PACRGL: variants seen among roughly 807,000 people sequenced by gnomAD.
PACRGL encodes the protein PACRG-like protein.
PACRGL carries 38 observed loss-of-function variants against 34.5 expected under a neutral mutation model. The ratio of observed to expected loss-of-function variants is 1.10; its 90% CI spans 0.85 to 1.44. The LOEUF (loss-of-function observed/expected upper bound fraction) is 1.44. PACRGL is among the 40% of genes most tolerant of loss of function. The pLI is 0.00. For missense variants in PACRGL, 305 were observed against 281.4 expected, an observed-to-expected ratio of 1.08 and a Z score of -0.60; for synonymous variants, 128 against 100.1, an observed-to-expected ratio of 1.28 and a Z score of -1.66.
chr4:20,727,486 T>A lies in PACRGL; in HGVS notation c.*145T>A. On this transcript the variant is annotated 3_prime_UTR_variant, in exon 9 of 9. Transcript: ENST00000503585. ...AGATGAATAGACACTGAATCAAAGT[T>A]ATTCATCAACAAAAAAGAACAGTTA... 1 of 596,314 alleles carries A rather than the reference T, an allele frequency of 1.7e-6. No individual in the cohort carries two copies. The highest frequency in any genetic ancestry group is 2.9e-6 in the Non-Finnish European group (1 of 346,278). 36.9% of individuals were successfully genotyped at this position (596,314 alleles called of 1,614,324 possible).
chr4:20,720,172 C>T lies in PACRGL; in HGVS notation c.610-4636C>T, dbSNP rs192418665. Among the ~76,000 whole-genome samples the T allele has an allele frequency of 2.3e-3, 353 of 151,506 alleles. 8 individuals are homozygous for T. The South Asian group carries it at 0.046, about 20-fold the overall frequency. The stretch of plus-strand genomic sequence containing the variant: ...CAACTTCTGCCTTTTTTTTGTTTTC[C>T]ATTTGCTTGGTAGATCTTCCTCCAT... On this transcript the variant is annotated intron_variant, in intron 7 of 8. Coordinates refer to ENST00000503585, the MANE Select transcript of PACRGL (RefSeq NM_001258345.3).
rs1206289908 is a variant in PACRGL at position 20,712,805 on chromosome 4, G to A, written c.384G>A (p.Lys128=). The A allele has an allele frequency of 1.9e-6, 3 of 1,575,818 alleles. No homozygotes were observed. The highest frequency in any genetic ancestry group is 2.6e-6 in the Non-Finnish European group (3 of 1,158,048). The change falls in exon 6 of 9, where the codon AAG becomes AAA. Residue 128 remains lysine (K), a synonymous_variant. Coordinates refer to ENST00000503585, the MANE Select transcript of PACRGL (RefSeq NM_001258345.3). Reference sequence around the variant, plus strand: ...TTTGTCAGGGTCTGAGAGAGACTAAGCATCCATACACTTTTGTGTCAAAGG... The same window carrying A: ...TTTGTCAGGGTCTGAGAGAGACTAAACATCCATACACTTTTGTGTCAAAGG... The part of the protein sequence containing the change: ...ITLAEGLRET[K]HPYTFVSKEG...
At position 20,727,383 on chromosome 4, in the gene PACRGL, T is replaced by C; in HGVS notation, c.*42T>C. ...AAATTGTTTTTTCTACCTGTTGACG[T>C]GTCAAGCACTAACTGTGGGTACTCA... On this transcript the variant is annotated 3_prime_UTR_variant, in exon 9 of 9. Transcript: ENST00000503585. 1 of 1,471,290 alleles carries C rather than the reference T, an allele frequency of 6.8e-7. No homozygotes were observed. The highest frequency in any genetic ancestry group is 1.1e-5 in the South Asian group (1 of 87,872). The allele number at this position is 1,471,290 out of a possible 1,614,324, so 91.1% of individuals were successfully genotyped here. A position where few individuals can be genotyped will look rare whatever the true frequency, so the allele number is the denominator to read the frequency against.
intron 8 of PACRGL, among the ~76,000 whole-genome samples, chr4:20,738,171 A>G (rs1004047798): frequency 4.6e-5 from 7 of 152,184 alleles, no homozygotes; most frequent in Admixed American, 2.0e-4. Flanking sequence ...GAAGGCATAA[A>G]ATATACATTG....
At chr4:20,734,080 C>T (rs188169024), downstream of PACRGL, among the ~76,000 whole-genome samples, 91 of 152,260 alleles carry the variant, frequency 6.0e-4, no homozygotes, top group South Asian at 2.1e-4. Context: ...GCCTGTCCTG[C>T]GTGGTTAACT....
chr4:20,746,027 G>T (rs938970500), intron 8 of PACRGL, among the ~76,000 whole-genome samples: 5 of 152,104 alleles, frequency 3.3e-5, no homozygotes, highest in African/African-American at 1.2e-4. Context: ...CCATTACTGG[G>T]TATATACCTA....
chr4:20,703,498 GTGTGTGTGTGTGTT>G (rs1490053381), intron 1 of PACRGL, among the ~76,000 whole-genome samples: 14 of 145,138 alleles, frequency 9.6e-5, no homozygotes, highest in East Asian at 9.1e-4. Context: ...GTGTGTGTGT[GTGTGTGTGTGTGTT>G]TGTGTGTGTG....
Position 20,731,760 on chromosome 4 carries a change from A to G in PACRGL, c.*4419A>G. On this transcript the variant is annotated 3_prime_UTR_variant, in exon 9 of 9. Transcript: ENST00000503585. ...CTCTCTAAGGAATTTGGGAATCAAC[A>G]CAGTACATGTACAACTTTTGTATCC... 1.0e-6 allele frequency: 1 copy of G among 985,412 alleles called. No homozygotes were observed. The highest frequency in any genetic ancestry group is 1.2e-6 in the Non-Finnish European group (1 of 829,928). The allele number at this position is 985,412 out of a possible 1,614,324, so 61.0% of individuals were successfully genotyped here.
intron 8 of PACRGL, among the ~76,000 whole-genome samples, chr4:20,743,796 T>A (rs187324618): frequency 3.3e-5 from 5 of 152,192 alleles, no homozygotes; most frequent in Admixed American, 3.3e-4. Context: ...AAGGAACTTC[T>A]GCACAGCAAA....
rs1447933416 is a variant in PACRGL, at chr4:20,725,002, T to C, written c.690+114T>C. 1.1e-5 allele frequency: 6 copies of C among 555,652 alleles called. No individual in the cohort carries two copies. In the African/African-American group the frequency reaches 1.2e-4, roughly 11 times the overall value. 34.4% of individuals were successfully genotyped at this position (555,652 alleles called of 1,614,324 possible). ...CTCATTTCAGCCACAGGTAACTATG[T>C]GAAATTGATGCTGTTATTTTCCTTT... On this transcript the variant is annotated intron_variant, in intron 8 of 8. Transcript: ENST00000503585.
At chr4:20,697,432 T>A (rs1731288706), upstream of PACRGL, among the ~76,000 whole-genome samples, 1 of 152,094 alleles carries the variant, frequency 6.6e-6, no homozygotes, top group South Asian at 2.1e-4. Context: ...AGAAAAAAAA[T>A]CGTCCTGAGT....
chr4:20,713,350 C>T, intron 6 of PACRGL, 82 bp from the exon 7 acceptor site: 3 of 1,017,096 alleles, frequency 2.9e-6, no homozygotes, highest in Non-Finnish European at 4.5e-6. Flanking sequence ...ACTTGCTTGC[C>T]CTTTTTTCTA....
the PACRGL span, among the ~76,000 whole-genome samples, chr4:20,763,618 G>A: frequency 1.3e-5 from 2 of 152,246 alleles, no homozygotes; most frequent in Non-Finnish European, 2.9e-5. Flanking sequence ...AGACAAGAAT[G>A]CAGATTTGTA....
chr4:20,759,812 TG>T, the PACRGL span, among the ~76,000 whole-genome samples: 9 of 152,216 alleles, frequency 5.9e-5, no homozygotes, highest in African/African-American at 2.2e-4. Flanking sequence ...CCTTGAGTGG[TG>T]GAGACTGACA....
chr4:20,754,143 C>G (rs1754107392), downstream of PACRGL, among the ~76,000 whole-genome samples: 1 of 152,268 alleles, frequency 6.6e-6, no homozygotes, highest in South Asian at 2.1e-4. Context: ...ACCGTTTCCT[C>G]TCTGCTTGCC....
At chr4:20,763,208 C>T in the PACRGL span, among the ~76,000 whole-genome samples, 22 of 152,178 alleles carry the variant, frequency 1.4e-4, no homozygotes, top group African/African-American at 5.3e-4. Flanking sequence ...CTCCAATGAG[C>T]ATTTACTTTG....
chr4:20,759,026 G>T, the PACRGL span: 2 of 606,266 alleles, frequency 3.3e-6, no homozygotes, highest in Admixed American at 3.1e-5. Flanking sequence ...ATTACAAAGG[G>T]AATAAAAGCA....
downstream of PACRGL, among the ~76,000 whole-genome samples, chr4:20,735,154 A>T (rs984855488): frequency 1.3e-5 from 2 of 152,252 alleles, no homozygotes; most frequent in Non-Finnish European, 2.9e-5. Flanking sequence ...TCCATAAAAG[A>T]TAAACCAATT....
chr4:20,697,942 A>C (rs1392040491), upstream of PACRGL, among the ~76,000 whole-genome samples: 2 of 152,168 alleles, frequency 1.3e-5, no homozygotes, highest in East Asian at 3.8e-4. Flanking sequence ...TGGGAGTTAA[A>C]ATTTCAATCT....
Sources: gnomAD v4.1 joint callset for allele counts (sites outside exome capture counted in the v4.1 genomes callset) on GRCh38, gnomAD v4.1.1 for gene constraint, MANE v1.5 for transcripts, NCBI Gene and HGNC (gene_info 2026-07-23, HGNC 2026-07-21) for gene names.